Variants in RAP1GAP2 observed in about 807,000 individuals in gnomAD.
The protein encoded by RAP1GAP2 is rap1 GTPase-activating protein 2.
In RAP1GAP2, 27 loss-of-function variants were observed where a neutral mutation model predicts 95.0. That is an observed-to-expected ratio of 0.28 (90% CI 0.21 to 0.39). The LOEUF is 0.39. Ranked by LOEUF, RAP1GAP2 falls within the 10% of genes least tolerant of loss-of-function variation. The pLI is 1.00. For missense variants in RAP1GAP2, 771 were observed against 970.0 expected (o/e 0.79, Z 2.72); for synonymous variants, 373 against 380.9 (o/e 0.98, Z 0.24).
intron 14 of RAP1GAP2, 43 bp downstream of exon 14, chr17:2,998,419 C>T (rs892455267): frequency 8.1e-6 from 13 of 1,599,934 alleles, no homozygotes; most frequent in Middle Eastern, 1.7e-4. Flanking sequence ...GGCCTCGACA[C>T]CTCACCCTGT....
chr17:2,953,673 C>G (rs772246631), intron 3 of RAP1GAP2, among the ~76,000 whole-genome samples: 14 of 152,024 alleles, frequency 9.2e-5, no homozygotes, highest in Non-Finnish European at 1.8e-4. Context: ...ATGGTGAAAC[C>G]CTGTCTCTAC....
intron 2 of RAP1GAP2, among the ~76,000 whole-genome samples, chr17:2,876,413 A>G (rs552285261): frequency 1.3e-5 from 2 of 152,276 alleles, no homozygotes; most frequent in African/African-American, 2.4e-5. Flanking sequence ...CAGTCCATCC[A>G]TGTAAGATGT....
At chr17:2,838,044 A>T (rs1237007227) in intron 2 of RAP1GAP2, among the ~76,000 whole-genome samples, 3 of 119,432 alleles carry the variant, frequency 2.5e-5, no homozygotes, top group African/African-American at 1.0e-4. Flanking sequence ...TTTGAGACAG[A>T]GTCTCGCCTT....
rs962898516 is a variant in RAP1GAP2 at position 2,890,567 on chromosome 17, C to T, written c.81-14717C>T. Among the ~76,000 whole-genome samples, 18 of 152,168 alleles carry T rather than the reference C, an allele frequency of 1.2e-4. No individual in the cohort carries two copies. The South Asian group carries it at 1.9e-3, about 16-fold the overall frequency. ...CGCCTCTGTGCTGGGCACTGTGAGA[C>T]GGGGCTCCTTTTCTTCTTGGGCTTG... On this transcript the variant is annotated intron_variant, in intron 2 of 24. Coordinates refer to ENST00000254695, the MANE Select transcript of RAP1GAP2 (RefSeq NM_015085.5).
intron 24 of RAP1GAP2, among the ~76,000 whole-genome samples, chr17:3,032,733 C>T (rs758251176): frequency 2.1e-4 from 32 of 149,478 alleles, no homozygotes; most frequent in Middle Eastern, 3.5e-3. Context: ...AGGGGAGTCG[C>T]CCAAGCCCGC....
chr17:2,808,047 T>G (rs2069597001), intron 2 of RAP1GAP2, among the ~76,000 whole-genome samples: 1 of 152,194 alleles, frequency 6.6e-6, no homozygotes, highest in African/African-American at 2.4e-5. Flanking sequence ...GGATCCAACC[T>G]GTGAGATGGA....
chr17:2,872,057 T>C (rs919648815), intron 2 of RAP1GAP2, among the ~76,000 whole-genome samples: 7 of 151,480 alleles, frequency 4.6e-5, no homozygotes, highest in Non-Finnish European at 8.8e-5. Flanking sequence ...CTACTAAAAA[T>C]ACAAAAATTA....
rs997789446 is a variant in RAP1GAP2, at chr17:2,903,622, G to A, written c.81-1662G>A. ...CAAAACTTACATCAACAAGGTCCAGGAAGAAAGAAAGAGGAAGGGAGATGG... is the reference window on the plus strand; with the variant it reads ...CAAAACTTACATCAACAAGGTCCAGAAAGAAAGAAAGAGGAAGGGAGATGG... On this transcript the variant is annotated intron_variant, in intron 2 of 24. Coordinates refer to ENST00000254695, the MANE Select transcript of RAP1GAP2 (RefSeq NM_015085.5). The surrounding 1 kb of genome is among the most constrained non-coding windows in gnomAD (Gnocchi z 4.1). Among the ~76,000 whole-genome samples the A allele has an allele frequency of 6.6e-6, 1 of 152,220 alleles. No individual in the cohort carries two copies. The highest frequency in any genetic ancestry group is 2.4e-5 in the African/African-American group (1 of 41,452).
chr17:2,897,660 C>T (rs1314680805), intron 2 of RAP1GAP2, among the ~76,000 whole-genome samples: 2 of 151,814 alleles, frequency 1.3e-5, no homozygotes, highest in African/African-American at 2.4e-5. Flanking sequence ...ATACCCAGCC[C>T]CTCCTGAGAC....
chr17:2,805,983 G>T (rs2069499569), intron 2 of RAP1GAP2, among the ~76,000 whole-genome samples: 1 of 152,152 alleles, frequency 6.6e-6, no homozygotes, highest in East Asian at 1.9e-4. Context: ...TAAGTGGGTG[G>T]CTGCAGCCCT....
At chr17:3,000,430 C>T (rs1016878173) in intron 14 of RAP1GAP2, among the ~76,000 whole-genome samples, 13 of 150,790 alleles carry the variant, frequency 8.6e-5, no homozygotes, top group African/African-American at 2.2e-4. Context: ...TTCCTGATGC[C>T]GGAGAAGGGG....
chr17:2,980,381 G>A lies in RAP1GAP2; in HGVS notation c.675+16G>A, dbSNP rs764615447. The A allele has an allele frequency of 4.2e-5, 68 of 1,611,568 alleles. No individual in the cohort carries two copies. The highest frequency in any genetic ancestry group is 3.8e-5 in the Non-Finnish European group (45 of 1,177,906). On this transcript the variant is annotated intron_variant, in intron 9 of 24. Transcript: ENST00000254695. ...GATTGCAAAGGTGAGAAACCAACCC[G>A]TGAGAGATGGTGGCTTCCTCTCTCA...
At chr17:2,954,515 A>G (rs978096051) in intron 3 of RAP1GAP2, among the ~76,000 whole-genome samples, 1 of 152,064 alleles carries the variant, frequency 6.6e-6, no homozygotes, top group African/African-American at 2.4e-5. Flanking sequence ...CTGCTTTTCT[A>G]TACCTCCTCC....
In RAP1GAP2 at chr17:3,013,627, C is replaced by CTTTTTTTTTTT. The variant is rs71377568; in HGVS notation, c.1495-4430_1495-4429insTTTTTTTTTTT. On this transcript the variant is annotated intron_variant, in intron 17 of 24. Transcript: ENST00000254695. ...AGCCTCTGAGTTTTTCTTTTCTTTT[C>CTTTTTTTTTTT]TTTTCTTTTTTTTTTTTTTTTTTTT... 9.6e-4 allele frequency among the ~76,000 whole-genome samples: 76 copies of CTTTTTTTTTTT among 78,892 alleles called. 1 individual carries two copies. Among genetic ancestry groups the CTTTTTTTTTTT allele is most frequent in the South Asian group, 1.3e-3 (3 of 2,368 alleles). The allele number at this position is 78,892 out of a possible 152,430, so 51.8% of individuals were successfully genotyped here.
Position 2,965,347 on chromosome 17 carries a change from C to G in RAP1GAP2, c.493-193C>G. The G allele has an allele frequency of 1.7e-6, 1 of 594,206 alleles. No homozygotes were observed. The highest frequency in any genetic ancestry group is 3.0e-6 in the Non-Finnish European group (1 of 332,678). The allele number at this position is 594,206 out of a possible 1,614,324, so 36.8% of individuals were successfully genotyped here. On this transcript the variant is annotated intron_variant, in intron 7 of 24. Transcript: ENST00000254695. The surrounding 1 kb of genome is among the most constrained non-coding windows in gnomAD (Gnocchi z 4.7). ...ACTGAAGGAGATAGTGGGTATTAAG[C>G]CCCTGGCACGGTGCCTGGCGCCTCC...
At chr17:2,885,947 T>C (rs996288897) in intron 2 of RAP1GAP2, among the ~76,000 whole-genome samples, 1 of 152,158 alleles carries the variant, frequency 6.6e-6, no homozygotes, top group South Asian at 2.1e-4. Flanking sequence ...AAGGCCGAAA[T>C]GCCGGCCTTT....
chr17:3,015,024 A>T (rs1382341568), intron 17 of RAP1GAP2, among the ~76,000 whole-genome samples: 3 of 152,060 alleles, frequency 2.0e-5, no homozygotes, highest in Non-Finnish European at 4.4e-5. Context: ...TATTTATTTT[A>T]AAAAAGGAAG....
At chr17:2,759,731 A>G (rs930991009) in intron 1 of RAP1GAP2, among the ~76,000 whole-genome samples, 1 of 152,096 alleles carries the variant, frequency 6.6e-6, no homozygotes, top group Non-Finnish European at 1.5e-5. Context: ...GATTACAGGC[A>G]TGAGCCACCG....
chr17:2,952,591 G>C (rs1018712212), intron 3 of RAP1GAP2, among the ~76,000 whole-genome samples: 15 of 152,196 alleles, frequency 9.9e-5, no homozygotes, highest in African/African-American at 3.4e-4. Flanking sequence ...GGGGCCTGCA[G>C]ACTGGACACA....
Sources: allele counts gnomAD v4.1 joint callset (sites outside exome capture counted in the v4.1 genomes callset), GRCh38; gene constraint gnomAD v4.1.1; non-coding constraint Gnocchi (gnomAD v3.1); transcripts MANE v1.5; gene names NCBI Gene and HGNC (gene_info 2026-07-23, HGNC 2026-07-21).